SEMA5A: variants seen among roughly 807,000 people sequenced by gnomAD.
SEMA5A encodes the protein semaphorin 5A.
Under a neutral mutation model 135.5 loss-of-function variants are expected in SEMA5A, and 55 were observed. The ratio of observed to expected loss-of-function variants is 0.41; its 90% CI spans 0.33 to 0.51. The LOEUF (loss-of-function observed/expected upper bound fraction) is 0.51, where lower values mean the gene tolerates loss of function less well. SEMA5A is among the 20% of genes least tolerant of loss of function. The pLI, the probability that SEMA5A is intolerant of heterozygous loss-of-function variation, is 0.37. For missense variants in SEMA5A, 1,290 were observed against 1,419.9 expected (o/e 0.91, Z 1.47); for synonymous variants, 580 against 546.5 (o/e 1.06, Z -0.85).
In SEMA5A at chr5:9,088,637, A is replaced by AATATATATATATATATAT. The variant is rs71611400; in HGVS notation, c.2073+19485_2073+19502dup. On this transcript the variant is annotated intron_variant, in intron 16 of 22. Transcript: ENST00000382496. ...GCAGCAGCAGGAAGCCTACATTTATAATATATATATATATATATATATACA... is the reference window on the plus strand; with the variant it reads ...GCAGCAGCAGGAAGCCTACATTTATAATATATATATATATATATATATATATATATATATATATATACA... Among the ~76,000 whole-genome samples the AATATATATATATATATAT allele has an allele frequency of 3.0e-3, 317 of 107,310 alleles. 1 individual carries two copies. The highest frequency in any genetic ancestry group is 5.0e-3 in the Middle Eastern group (1 of 202). The allele number at this position is 107,310 out of a possible 152,430, so 70.4% of individuals were successfully genotyped here.
At chr5:9,406,335 G>A (rs1756886871) in intron 2 of SEMA5A, among the ~76,000 whole-genome samples, 1 of 152,122 alleles carries the variant, frequency 6.6e-6, no homozygotes, top group Admixed American at 6.5e-5. Context: ...AAAGATCCCA[G>A]CCTAGATTTA....
chr5:9,124,844 C>T (rs1741018405), intron 13 of SEMA5A, among the ~76,000 whole-genome samples: 1 of 152,176 alleles, frequency 6.6e-6, no homozygotes. Context: ...GAACCGCATG[C>T]TTTCACCTTG....
chr5:9,490,075 C>T (rs1734924898), intron 1 of SEMA5A, among the ~76,000 whole-genome samples: 1 of 152,062 alleles, frequency 6.6e-6, no homozygotes, highest in South Asian at 2.1e-4. Flanking sequence ...CTTGGTGAGG[C>T]TATGCAGGTA....
chr5:9,473,383 T>TAAAAAAAAA (rs58137756), intron 1 of SEMA5A, among the ~76,000 whole-genome samples: 1,862 of 79,656 alleles, frequency 0.023, 125 homozygotes, highest in Middle Eastern at 0.065. Flanking sequence ...CAATCAGTGG[T>TAAAAAAAAA]AAAAAAAAAA....
chr5:9,536,904 C>A (rs925238628), intron 1 of SEMA5A, among the ~76,000 whole-genome samples: 4 of 152,070 alleles, frequency 2.6e-5, no homozygotes, highest in Admixed American at 2.6e-4. Context: ...CAGGAGGTGC[C>A]GCAGACACAA....
chr5:9,329,222 T>C (rs1011367337), intron 4 of SEMA5A, among the ~76,000 whole-genome samples: 2 of 48 alleles, frequency 0.042, no homozygotes, highest in African/African-American at 0.062. Flanking sequence ...TCTAATTGCT[T>C]GTGCCCGTCT....
At chr5:9,225,628 G>C (rs772488630) in intron 7 of SEMA5A, among the ~76,000 whole-genome samples, 2 of 150,678 alleles carry the variant, frequency 1.3e-5, no homozygotes, top group Non-Finnish European at 3.0e-5. Flanking sequence ...AAAATATAAT[G>C]AATAGCCCCA....
intron 2 of SEMA5A, among the ~76,000 whole-genome samples, chr5:9,383,130 T>C (rs540788059): frequency 6.6e-6 from 1 of 152,314 alleles, no homozygotes; most frequent in African/African-American, 2.4e-5. Context: ...CCCTGGATTA[T>C]AACATTAAAA....
intron 2 of SEMA5A, among the ~76,000 whole-genome samples, chr5:9,388,898 C>CAAAAAA (rs111310656): frequency 7.3e-6 from 1 of 136,590 alleles, no homozygotes; most frequent in Non-Finnish European, 1.6e-5. Context: ...GACTCCGTCT[C>CAAAAAA]AAAAAAAAAA....
intron 1 of SEMA5A, among the ~76,000 whole-genome samples, chr5:9,543,882 A>G (rs1458066201): frequency 6.6e-6 from 1 of 152,174 alleles, no homozygotes; most frequent in Non-Finnish European, 1.5e-5. Flanking sequence ...GGAGGGGAAA[A>G]AAAAATCCAT....
At chr5:9,540,185 C>T (rs1275214671) in intron 1 of SEMA5A, among the ~76,000 whole-genome samples, 5 of 152,108 alleles carry the variant, frequency 3.3e-5, no homozygotes, top group Admixed American at 6.5e-5. Flanking sequence ...TTCTAGGCAG[C>T]GTGGGCAACA....
At chr5:9,362,796 T>C (rs1438544106) in intron 3 of SEMA5A, among the ~76,000 whole-genome samples, 3 of 152,320 alleles carry the variant, frequency 2.0e-5, no homozygotes, top group South Asian at 4.1e-4. Flanking sequence ...TTTCTATGGT[T>C]AGGAGCTGAG....
chr5:9,453,671 A>G (rs1319045618), intron 1 of SEMA5A, among the ~76,000 whole-genome samples: 1 of 152,224 alleles, frequency 6.6e-6, no homozygotes, highest in African/African-American at 2.4e-5. Flanking sequence ...TGACAAAAAT[A>G]TGGTGACCAG....
At chr5:9,169,802 A>G (rs933511290) in intron 11 of SEMA5A, among the ~76,000 whole-genome samples, 4 of 152,170 alleles carry the variant, frequency 2.6e-5, no homozygotes, top group African/African-American at 9.7e-5. Context: ...CCTCATGATA[A>G]TTACCCACTC....
At chr5:9,489,436 A>C (rs969683624) in intron 1 of SEMA5A, among the ~76,000 whole-genome samples, 1 of 152,166 alleles carries the variant, frequency 6.6e-6, no homozygotes, top group African/African-American at 2.4e-5. Flanking sequence ...GTGTCTGGCT[A>C]GAAATGTAAG....
At chr5:9,541,367 C>T (rs1215572742) in intron 1 of SEMA5A, among the ~76,000 whole-genome samples, 1 of 152,022 alleles carries the variant, frequency 6.6e-6, no homozygotes, top group Non-Finnish European at 1.5e-5. Flanking sequence ...TCTACATGAA[C>T]CCTAGTTTAG....
chr5:9,381,759 C>T (rs988317912), intron 2 of SEMA5A, among the ~76,000 whole-genome samples: 1 of 152,050 alleles, frequency 6.6e-6, no homozygotes, highest in Non-Finnish European at 1.5e-5. Context: ...GATTCCTGAC[C>T]CCACAAATGC....
intron 1 of SEMA5A, among the ~76,000 whole-genome samples, chr5:9,462,092 T>C (rs1398910942): frequency 6.6e-6 from 1 of 152,196 alleles, no homozygotes; most frequent in Non-Finnish European, 1.5e-5. Context: ...GACTTTCTCA[T>C]ACTCGAGTTC....
chr5:9,252,658 A>C (rs1357413564), intron 5 of SEMA5A, among the ~76,000 whole-genome samples: 7 of 152,212 alleles, frequency 4.6e-5, no homozygotes, highest in Admixed American at 4.6e-4. Flanking sequence ...TATGTACTGG[A>C]GATGGTAGGA....
Sources: gnomAD v4.1 joint callset for allele counts (sites outside exome capture counted in the v4.1 genomes callset) on GRCh38, gnomAD v4.1.1 for gene constraint, MANE v1.5 for transcripts, NCBI Gene and HGNC (gene_info 2026-07-23, HGNC 2026-07-21) for gene names.